SH3RF1: variants seen among roughly 807,000 people sequenced by gnomAD.
SH3RF1 encodes E3 ubiquitin-protein ligase SH3RF1.
Under a neutral mutation model 74.0 loss-of-function variants are expected in SH3RF1, and 32 were observed. The ratio of observed to expected loss-of-function variants is 0.43; its 90% CI spans 0.33 to 0.58. SH3RF1 has a LOEUF of 0.58. Among genes scored for constraint, SH3RF1 ranks in the 20% least tolerant of loss-of-function variants. SH3RF1 has a pLI of 0.05. For synonymous variants in SH3RF1, 396 were observed against 439.6 expected, an observed-to-expected ratio of 0.90 and a Z score of 1.24; for missense variants, 954 against 1,130.9, an observed-to-expected ratio of 0.84 and a Z score of 2.24.
chr4:169,124,236 C>G (rs948518199), intron 6 of SH3RF1, among the ~76,000 whole-genome samples: 2 of 152,098 alleles, frequency 1.3e-5, no homozygotes, highest in Non-Finnish European at 2.9e-5. Flanking sequence ...GGCATGTGCT[C>G]AAACAGAAAT....
At chr4:169,154,929 A>G (rs915996526) in intron 4 of SH3RF1, among the ~76,000 whole-genome samples, 3 of 152,200 alleles carry the variant, frequency 2.0e-5, no homozygotes, top group African/African-American at 4.8e-5. Flanking sequence ...AGACTTTACT[A>G]TGTCAAGCTT....
intron 2 of SH3RF1, among the ~76,000 whole-genome samples, chr4:169,195,189 G>T (rs1278393695): frequency 6.6e-6 from 1 of 152,124 alleles, no homozygotes; most frequent in East Asian, 1.9e-4. Flanking sequence ...GTTGGGTATA[G>T]AACTCCAGGT....
intron 2 of SH3RF1, among the ~76,000 whole-genome samples, chr4:169,263,118 C>G (rs1044038970): frequency 2.6e-5 from 4 of 152,160 alleles, no homozygotes; most frequent in Non-Finnish European, 5.9e-5. Flanking sequence ...AATACACATC[C>G]CCATCCCCAT....
chr4:169,105,282 T>C (rs985045813), intron 11 of SH3RF1, among the ~76,000 whole-genome samples: 1 of 152,214 alleles, frequency 6.6e-6, no homozygotes, highest in African/African-American at 2.4e-5. Context: ...TATATTTATA[T>C]AAGATATAAA....
intron 2 of SH3RF1, among the ~76,000 whole-genome samples, chr4:169,256,167 T>A (rs1393797062): frequency 6.6e-6 from 1 of 152,080 alleles, no homozygotes; most frequent in Non-Finnish European, 1.5e-5. Flanking sequence ...GCTAAAGAAA[T>A]AACTAAATTG....
intron 4 of SH3RF1, among the ~76,000 whole-genome samples, chr4:169,140,600 C>T (rs1733768444): frequency 6.6e-6 from 1 of 152,006 alleles, no homozygotes; most frequent in African/African-American, 2.4e-5. Flanking sequence ...AGATGAAATA[C>T]TGACAAAAAT....
chr4:169,172,140 A>G (rs570583578), intron 2 of SH3RF1, among the ~76,000 whole-genome samples: 4 of 152,346 alleles, frequency 2.6e-5, no homozygotes, highest in Non-Finnish European at 5.9e-5. Flanking sequence ...GTATGAGCCT[A>G]AGAAAGCAAG....
rs1471459671 is a variant in SH3RF1, at chr4:169,106,968, C to T, written c.2377G>A (p.Asp793Asn). 1 of 1,613,924 alleles carries T rather than the reference C, an allele frequency of 6.2e-7. No individual in the cohort carries two copies. The highest frequency in any genetic ancestry group is 8.5e-7 in the Non-Finnish European group (1 of 1,180,026). The stretch of plus-strand genomic sequence containing the variant: ...GAACTTGCCTTCCTATGAAAAGCAT[C>T]CTGGGCCAGGGCTGCTCCTGCCACT... ...TAVAGAALAQ[D>N]AFHRKASSLD... Residue 793 changes from aspartate (D) to asparagine (N), a missense_variant, in exon 11 of 12, where the codon GAT becomes AAT. Asp to Asn is a conservative substitution (Grantham distance 23). Transcript: ENST00000284637.
intron 2 of SH3RF1, among the ~76,000 whole-genome samples, 171 bp downstream of exon 2, chr4:169,268,649 A>G (rs1413715651): frequency 3.3e-5 from 5 of 152,194 alleles, no homozygotes; most frequent in Admixed American, 2.6e-4. Flanking sequence ...ATTTATATCC[A>G]ATCTCATTCC....
At chr4:169,229,977 G>A (rs918544111) in intron 2 of SH3RF1, among the ~76,000 whole-genome samples, 5 of 123,674 alleles carry the variant, frequency 4.0e-5, no homozygotes, top group African/African-American at 6.3e-5. Context: ...AGGTGGAGAC[G>A]GGTGGATCAC....
chr4:169,212,606 T>A (rs562170438), intron 2 of SH3RF1, among the ~76,000 whole-genome samples: 2 of 152,262 alleles, frequency 1.3e-5, no homozygotes, highest in Non-Finnish European at 2.9e-5. Context: ...AGAGTTCCCA[T>A]ATACTCCTAA....
chr4:169,174,469 C>A (rs1486617788), intron 2 of SH3RF1, among the ~76,000 whole-genome samples: 1 of 152,138 alleles, frequency 6.6e-6, no homozygotes, highest in African/African-American at 2.4e-5. Flanking sequence ...AGAGAGACTG[C>A]ATTTCTAACA....
Position 169,200,972 on chromosome 4 carries a change from C to T in SH3RF1, c.394-44293G>A, listed in dbSNP as rs147072229. ...AGAACAGAAGTCTTCAGTGTGCTCT[C>T]GAGCCAGTCAGACACAATGTCAGTT... is the stretch of plus-strand genomic sequence containing the variant. On this transcript the variant is annotated intron_variant, in intron 2 of 11. Coordinates refer to ENST00000284637, the MANE Select transcript of SH3RF1 (RefSeq NM_020870.4). 3.0e-3 allele frequency among the ~76,000 whole-genome samples: 452 copies of T among 152,144 alleles called. 4 individuals are homozygous for T. The highest frequency in any genetic ancestry group is 0.01 in the African/African-American group (417 of 41,526).
intron 2 of SH3RF1, among the ~76,000 whole-genome samples, chr4:169,221,324 G>C (rs1730560802): frequency 6.6e-6 from 1 of 151,966 alleles, no homozygotes; most frequent in Non-Finnish European, 1.5e-5. Context: ...AAAAAAAATA[G>C]GTCTCTCCAA....
At chr4:169,202,464 T>A (rs1327229761) in intron 2 of SH3RF1, among the ~76,000 whole-genome samples, 1 of 152,184 alleles carries the variant, frequency 6.6e-6, no homozygotes, top group African/African-American at 2.4e-5. Context: ...ACTGTTTCAA[T>A]TTACCATCTC....
chr4:169,151,836 T>G (rs957701183), intron 4 of SH3RF1, among the ~76,000 whole-genome samples: 3 of 152,154 alleles, frequency 2.0e-5, no homozygotes, highest in East Asian at 1.9e-4. Context: ...TAATAAAAAT[T>G]TATAGTTCAC....
chr4:169,190,540 A>G (rs970892337), intron 2 of SH3RF1, among the ~76,000 whole-genome samples: 1 of 152,072 alleles, frequency 6.6e-6, no homozygotes, highest in African/African-American at 2.4e-5. Context: ...GATACCCTGA[A>G]CAGACAAATA....
At chr4:169,108,409 GA>G (rs1733183230) in intron 10 of SH3RF1, among the ~76,000 whole-genome samples, 2 of 152,138 alleles carry the variant, frequency 1.3e-5, no homozygotes, top group South Asian at 4.2e-4. Flanking sequence ...CAGTATGGCA[GA>G]AAAAAGGAGA....
In SH3RF1 at chr4:169,268,820, C is replaced by G; in HGVS notation, c.393G>C (p.Arg131Ser). Residue 131 changes from arginine to serine, a missense_variant and splice_region_variant, in exon 2 of 12, where the codon AGG becomes AGC. Transcript: ENST00000284637. ...CAAACTACCTCTGTAGGCTACTTAC[C>G]CTCACTGGGGGGCTCCAGGATTGCA... ...PRVQSWSPPV[R>S]GIPQLPCAKA... 6.3e-7 allele frequency: 1 copy of G among 1,581,414 alleles called. No homozygotes were observed.
Sources: gnomAD v4.1 joint callset for allele counts (sites outside exome capture counted in the v4.1 genomes callset) on GRCh38, gnomAD v4.1.1 for gene constraint, MANE v1.5 for transcripts, NCBI Gene and HGNC (gene_info 2026-07-23, HGNC 2026-07-21) for gene names.